The following CYP20A1 variants were observed in gnomAD, a reference collection of about 807,000 sequenced individuals.
CYP20A1 encodes cytochrome P450 20A1.
In CYP20A1, 61 loss-of-function variants were observed where a neutral mutation model predicts 61.4. The observed-to-expected ratio is 0.99, with a 90% CI of 0.81 to 1.23. The LOEUF (loss-of-function observed/expected upper bound fraction) is 1.23. CYP20A1 is among the 50% of genes most tolerant of loss of function. The pLI, the probability that CYP20A1 is intolerant of heterozygous loss-of-function variation, is 0.00. For synonymous variants in CYP20A1, 193 were observed against 188.2 expected (o/e 1.03, Z -0.21); for missense variants, 530 against 542.4 (o/e 0.98, Z 0.23).
At chr2:203,285,837 G>T in intron 9 of CYP20A1, 105 bp downstream of exon 9, 1 of 1,022,568 alleles carries the variant, frequency 9.8e-7, no homozygotes, top group Non-Finnish European at 1.3e-6. Flanking sequence ...ATTTTTATAG[G>T]ACTTAAAGTA....
chr2:203,252,727 A>G (rs529620730), intron 4 of CYP20A1, among the ~76,000 whole-genome samples: 7 of 151,878 alleles, frequency 4.6e-5, no homozygotes, highest in Non-Finnish European at 7.4e-5. Flanking sequence ...TACACCTCTG[A>G]GCTGTAGGGC....
intron 5 of CYP20A1, 66 bp from the exon 6 acceptor site, chr2:203,272,604 T>A: frequency 1.1e-6 from 1 of 877,126 alleles, no homozygotes. Context: ...TTAGGTTACA[T>A]TGCTCTGTAT....
chr2:203,292,819 A>T (rs1052318299), intron 11 of CYP20A1, among the ~76,000 whole-genome samples: 1 of 151,786 alleles, frequency 6.6e-6, no homozygotes, highest in Non-Finnish European at 1.5e-5. Context: ...GCTATTTGCT[A>T]CTCTTTGTCT....
In CYP20A1 at chr2:203,239,034, C is replaced by T. The variant is rs1219136953; in HGVS notation, c.-29C>T. On this transcript the variant is annotated 5_prime_UTR_variant, in exon 1 of 13. Coordinates refer to ENST00000356079, the MANE Select transcript of CYP20A1 (RefSeq NM_177538.3). ...GGCGCTGCTGCTGGAGCGGCCGATC[C>T]GAGACGTGGCTCCCTGGGCGGCAGA... The T allele has an allele frequency of 3.1e-6, 5 of 1,607,330 alleles. No homozygotes were observed. The highest frequency in any genetic ancestry group is 1.7e-5 in the Admixed American group (1 of 59,992).
Position 203,300,605 on chromosome 2 carries a change from C to T in CYP20A1, c.*3697C>T, listed in dbSNP as rs1356502661. Among the ~76,000 whole-genome samples, 5 of 152,062 alleles carry T rather than the reference C, an allele frequency of 3.3e-5. No homozygotes were observed. The highest frequency in any genetic ancestry group is 7.4e-5 in the Non-Finnish European group (5 of 68,006). Reference sequence around the variant, plus strand: ...GAAGTGTATTGTTAAAAAACATAAGCATGGCCGGGCACAGTGGCTCACACC... The same window carrying T: ...GAAGTGTATTGTTAAAAAACATAAGTATGGCCGGGCACAGTGGCTCACACC... On this transcript the variant is annotated 3_prime_UTR_variant, in exon 13 of 13. Transcript: ENST00000356079.
chr2:203,292,425 C>G lies in CYP20A1; in HGVS notation c.1148+99C>G. On this transcript the variant is annotated intron_variant, in intron 11 of 12. Coordinates refer to ENST00000356079, the MANE Select transcript of CYP20A1 (RefSeq NM_177538.3). ...GTTGAGTAGAAAACTCAATATGTAG[C>G]AATGATACAACAAAAGAAAACTAGT... 6.4e-6 allele frequency: 5 copies of G among 784,468 alleles called. 1 individual carries two copies. The South Asian group carries it at 7.7e-5, about 12-fold the overall frequency. The allele number at this position is 784,468 out of a possible 1,614,324, so 48.6% of individuals were successfully genotyped here. A position where few individuals can be genotyped will look rare whatever the true frequency, so the allele number is the denominator to read the frequency against.
chr2:203,277,271 C>T (rs1180748138), intron 6 of CYP20A1, among the ~76,000 whole-genome samples: 1 of 151,430 alleles, frequency 6.6e-6, no homozygotes, highest in Non-Finnish European at 1.5e-5. Context: ...TCGTTTGAAC[C>T]CGGGAGGTGG....
At position 203,289,585 on chromosome 2, in the gene CYP20A1, A is replaced by T. The variant is rs994612082; in HGVS notation, c.972-180A>T. Among the ~76,000 whole-genome samples, 43 of 151,958 alleles carry T rather than the reference A, an allele frequency of 2.8e-4. No individual in the cohort carries two copies. The East Asian group carries it at 5.8e-3, about 20-fold the overall frequency. ...AAATGTATTTATTTTAAAATTTATAAAATTGTTAATCTTTATGTACTTCTA... is the reference window on the plus strand; with the variant it reads ...AAATGTATTTATTTTAAAATTTATATAATTGTTAATCTTTATGTACTTCTA... On this transcript the variant is annotated intron_variant, in intron 9 of 12. Transcript: ENST00000356079.
chr2:203,252,302 TC>T (rs2066720569), intron 4 of CYP20A1, among the ~76,000 whole-genome samples, 193 bp downstream of exon 4: 1 of 152,020 alleles, frequency 6.6e-6, no homozygotes, highest in Non-Finnish European at 1.5e-5. Context: ...AATCTTAACA[TC>T]CAGACTCACT....
At chr2:203,293,508 CTTTTT>C (rs11408049) in intron 11 of CYP20A1, among the ~76,000 whole-genome samples, 1 of 140,932 alleles carries the variant, frequency 7.1e-6, no homozygotes, top group Non-Finnish European at 1.5e-5. Context: ...CGCCCGGCCT[CTTTTT>C]TTTTTTTTTC....
chr2:203,246,680 TTC>T, intron 2 of CYP20A1, 73 bp from the exon 3 acceptor site: 1 of 1,278,192 alleles, frequency 7.8e-7, no homozygotes, highest in Middle Eastern at 1.9e-4. Flanking sequence ...ATACAGTTAA[TTC>T]AGAGTCAACT....
Position 203,284,087 on chromosome 2 carries a change from G to GT in CYP20A1, c.851-1519dup, listed in dbSNP as rs538375227. 5.9e-5 allele frequency among the ~76,000 whole-genome samples: 9 copies of GT among 152,270 alleles called. No homozygotes were observed. In the South Asian group the frequency reaches 8.3e-4, roughly 14 times the overall value. The stretch of plus-strand genomic sequence containing the variant: ...AAGTTAAGGACAGGCAGTCACTCAT[G>GT]TTTTTTGTGAACTCTAGATATAAGA... On this transcript the variant is annotated intron_variant, in intron 8 of 12. Transcript: ENST00000356079.
chr2:203,240,989 T>C (rs891871568), intron 1 of CYP20A1, among the ~76,000 whole-genome samples: 1 of 152,186 alleles, frequency 6.6e-6, no homozygotes, highest in Admixed American at 6.5e-5. Flanking sequence ...GCAAGCCAAG[T>C]AATTAGGAGG....
Position 203,266,613 on chromosome 2 carries a change from C to T in CYP20A1, c.532C>T (p.Gln178Ter). ...TGGTTTTGCTATGAAGTCTGTTACA[C>T]AGATGGTAATGGGTAGTACATTTGA... is the stretch of plus-strand genomic sequence containing the variant. ...MLGFAMKSVT[Q>*]MVMGSTFEDD... The change falls in exon 5 of 13, where the codon CAG becomes TAG. Residue 178 changes from glutamine to a stop codon, truncating the protein, a stop_gained. Coordinates refer to ENST00000356079, the MANE Select transcript of CYP20A1 (RefSeq NM_177538.3). LOFTEE classifies it high-confidence loss of function. 6.2e-7 allele frequency: 1 copy of T among 1,613,960 alleles called. No individual in the cohort carries two copies. The highest frequency in any genetic ancestry group is 1.3e-5 in the African/African-American group (1 of 75,008).
rs575027489 is a variant in CYP20A1 at position 203,277,951 on chromosome 2, G to T, written c.680-622G>T. 4.6e-5 allele frequency among the ~76,000 whole-genome samples: 7 copies of T among 152,292 alleles called. No individual in the cohort carries two copies. The East Asian group carries it at 1.4e-3, about 29-fold the overall frequency. On this transcript the variant is annotated intron_variant, in intron 6 of 12. Coordinates refer to ENST00000356079, the MANE Select transcript of CYP20A1 (RefSeq NM_177538.3). ...AAGGAAGGTGGATGATATCAGAGAAGAAAGGCTTATGTGTTTGGAGGCCTC... is the reference window on the plus strand; with the variant it reads ...AAGGAAGGTGGATGATATCAGAGAATAAAGGCTTATGTGTTTGGAGGCCTC...
At chr2:203,279,075 C>T (rs1216420884) in intron 7 of CYP20A1, among the ~76,000 whole-genome samples, 3 of 152,162 alleles carry the variant, frequency 2.0e-5, no homozygotes, top group Non-Finnish European at 4.4e-5. Context: ...AGCGATTCTC[C>T]TGCCTCAGCC....
chr2:203,287,308 G>C (rs186695619), intron 9 of CYP20A1, among the ~76,000 whole-genome samples: 1 of 150,446 alleles, frequency 6.6e-6, no homozygotes, highest in African/African-American at 2.4e-5. Flanking sequence ...TACATTGACT[G>C]TAACTATTAT....
At chr2:203,266,715 C>T (rs1173734984) in intron 5 of CYP20A1, 34 bp downstream of exon 5, 1 of 1,594,758 alleles carries the variant, frequency 6.3e-7, no homozygotes, top group African/African-American at 1.3e-5. Flanking sequence ...ATTACTCTTT[C>T]AGGCTGGGCA....
At chr2:203,275,646 GC>G (rs2067788982) in intron 6 of CYP20A1, among the ~76,000 whole-genome samples, 1 of 152,038 alleles carries the variant, frequency 6.6e-6, no homozygotes, top group South Asian at 2.1e-4. Context: ...CACCATGTTG[GC>G]CAGGCTTGTC....
Sources: gnomAD v4.1 joint callset for allele counts (sites outside exome capture counted in the v4.1 genomes callset) on GRCh38, gnomAD v4.1.1 for gene constraint, MANE v1.5 for transcripts, NCBI Gene and HGNC (gene_info 2026-07-23, HGNC 2026-07-21) for gene names.